Variants in GABRA3 observed in about 807,000 individuals in gnomAD.
The protein encoded by GABRA3 is gamma-aminobutyric acid type A receptor subunit alpha3, also known as gamma-aminobutyric acid receptor subunit alpha-3.
Under a neutral mutation model 30.1 loss-of-function variants are expected in GABRA3, and 10 were observed. The ratio of observed to expected loss-of-function variants is 0.33; its 90% CI spans 0.20 to 0.56. GABRA3 has a LOEUF of 0.56. GABRA3 is among the 20% of genes least tolerant of loss of function. The probability of loss-of-function intolerance (pLI) is 0.89; values close to 1 mark genes in which losing one functional copy is unlikely to be tolerated. For missense variants in GABRA3, 233 were observed against 392.0 expected, an observed-to-expected ratio of 0.59 and a Z score of 3.42; for synonymous variants, 151 against 146.8, an observed-to-expected ratio of 1.03 and a Z score of -0.21.
Position 152,208,088 on chromosome X carries a change from C to T in GABRA3, c.691G>A (p.Val231Met), listed in dbSNP as rs1453531103. The change falls in exon 7 of 10, where the codon GTG becomes ATG. Residue 231 changes from valine to methionine, a missense_variant. By Grantham distance (21) the Val-to-Met change is conservative. Around this residue, in one of 6 missense-constraint regions of GABRA3, gnomAD observed 42 missense variants for 116.2 expected, o/e 0.36. Coordinates refer to ENST00000370314, the MANE Select transcript of GABRA3 (RefSeq NM_000808.4). The stretch of plus-strand genomic sequence containing the variant: ...CGAGAACCATCCTGTGCCACTTCCA[C>T]GGATTTGTTCTTTCCGAGAGTCCAA... ...YSWTLGKNKS[V>M]EVAQDGSRLN... 3.3e-6 allele frequency: 4 copies of T among 1,211,055 alleles called. No homozygotes were observed. The highest frequency in any genetic ancestry group is 1.7e-5 in the African/African-American group (1 of 57,830).
chrX:152,380,551 C>T (rs1254910665), intron 1 of GABRA3, among the ~76,000 whole-genome samples: 1 of 111,919 alleles, frequency 8.9e-6, no homozygotes, highest in African/African-American at 3.2e-5. Context: ...AACAGTGCTG[C>T]AACAAACATG....
At chrX:152,367,245 G>A (rs1373676726) in intron 1 of GABRA3, among the ~76,000 whole-genome samples, 1 of 111,417 alleles carries the variant, frequency 9.0e-6, no homozygotes, top group Admixed American at 9.5e-5. Context: ...AAAATGTCCT[G>A]TGAGTTTACA....
At chrX:152,277,462 T>C (rs1341681026) in intron 4 of GABRA3, among the ~76,000 whole-genome samples, 1 of 111,239 alleles carries the variant, frequency 9.0e-6, no homozygotes, top group Non-Finnish European at 1.9e-5. Flanking sequence ...TATTGTATAC[T>C]TGCACCATTT....
chrX:152,432,756 T>C (rs189506705), intron 1 of GABRA3, among the ~76,000 whole-genome samples: 21 of 111,655 alleles, frequency 1.9e-4, no homozygotes, highest in African/African-American at 6.8e-4. Flanking sequence ...ATGAAAGCTA[T>C]AAAAACTACC....
At chrX:152,345,481 T>C (rs182587767) in intron 3 of GABRA3, 100 bp downstream of exon 3, 2 of 910,871 alleles carry the variant, frequency 2.2e-6, no homozygotes, top group Admixed American at 3.3e-5. Flanking sequence ...ACTAATCTCA[T>C]TGGCCAATAG....
intron 3 of GABRA3, among the ~76,000 whole-genome samples, chrX:152,332,662 G>A (rs1013526763): frequency 5.4e-5 from 6 of 111,871 alleles, no homozygotes; most frequent in East Asian, 5.6e-4. Flanking sequence ...TGGAACAACC[G>A]GCAGAGAACG....
intron 5 of GABRA3, among the ~76,000 whole-genome samples, chrX:152,239,244 G>C (rs1175215729): frequency 4.8e-5 from 5 of 103,095 alleles, no homozygotes; most frequent in African/African-American, 1.8e-4. Context: ...CCTTCATTTC[G>C]TTATGTACCC....
intron 2 of GABRA3, among the ~76,000 whole-genome samples, chrX:152,351,220 G>T (rs1940474511): frequency 8.9e-6 from 1 of 112,073 alleles, no homozygotes; most frequent in African/African-American, 3.2e-5. Context: ...AAGCTTCAAA[G>T]TCAGGCATTT....
At chrX:152,176,256 T>C (rs1347969767) in intron 9 of GABRA3, among the ~76,000 whole-genome samples, 1 of 110,760 alleles carries the variant, frequency 9.0e-6, no homozygotes, top group Non-Finnish European at 1.9e-5. Context: ...TTGATCTAAA[T>C]GTAGTGGGAA....
At chrX:152,349,100 G>A (rs994406186) in intron 2 of GABRA3, among the ~76,000 whole-genome samples, 1 of 112,021 alleles carries the variant, frequency 8.9e-6, no homozygotes, top group African/African-American at 3.2e-5. Flanking sequence ...CCCTGGCACT[G>A]CTTTATCAAC....
chrX:152,310,419 C>A (rs1232322928), intron 3 of GABRA3, among the ~76,000 whole-genome samples: 1 of 111,931 alleles, frequency 8.9e-6, no homozygotes, highest in Non-Finnish European at 1.9e-5. Context: ...AAACTGAAAT[C>A]ATACCAATGA....
chrX:152,219,712 T>C (rs967306860), intron 6 of GABRA3, among the ~76,000 whole-genome samples: 70 of 111,239 alleles, frequency 6.3e-4, no homozygotes, highest in African/African-American at 2.2e-3. Context: ...TGGCCCTCTA[T>C]GCTGCTGATG....
At chrX:152,236,653 C>T (rs1278333858) in intron 5 of GABRA3, among the ~76,000 whole-genome samples, 1 of 107,931 alleles carries the variant, frequency 9.3e-6, no homozygotes, top group African/African-American at 3.4e-5. Flanking sequence ...TTGTCCAGCA[C>T]CTGTTGTTTC....
chrX:152,416,856 C>T (rs1483414324), intron 1 of GABRA3, among the ~76,000 whole-genome samples: 4 of 106,157 alleles, frequency 3.8e-5, no homozygotes, highest in Admixed American at 1.0e-4. Context: ...CTTCCTTACA[C>T]CTTATACAAA....
At chrX:152,376,595 T>C (rs765410897) in intron 1 of GABRA3, among the ~76,000 whole-genome samples, 31 of 111,424 alleles carry the variant, frequency 2.8e-4, no homozygotes, top group Non-Finnish European at 5.7e-4. Flanking sequence ...ATAAACATAA[T>C]AAAGTTTCTT....
intron 3 of GABRA3, among the ~76,000 whole-genome samples, chrX:152,332,855 A>C (rs1225120715): frequency 5.3e-5 from 6 of 112,275 alleles, no homozygotes; most frequent in African/African-American, 1.9e-4. Context: ...TCTCATTTTA[A>C]AATTTTATGG....
At chrX:152,339,909 T>C (rs1940290132) in intron 3 of GABRA3, among the ~76,000 whole-genome samples, 1 of 112,126 alleles carries the variant, frequency 8.9e-6, no homozygotes, top group East Asian at 2.8e-4. Flanking sequence ...TTTAACCCAC[T>C]TGTGGTTTTA....
At chrX:152,227,010 G>A (rs1325394744) in intron 5 of GABRA3, among the ~76,000 whole-genome samples, 1 of 110,805 alleles carries the variant, frequency 9.0e-6, no homozygotes, top group East Asian at 2.9e-4. Flanking sequence ...AATACCATTT[G>A]ACCCAGCCAT....
chrX:152,179,367 CTTG>C (rs1937114669), intron 9 of GABRA3, among the ~76,000 whole-genome samples: 2 of 110,992 alleles, frequency 1.8e-5, no homozygotes, highest in African/African-American at 6.6e-5. Flanking sequence ...ACTACAGTCA[CTTG>C]TTGTACGATA....
Sources: gnomAD v4.1 joint callset for allele counts (sites outside exome capture counted in the v4.1 genomes callset) on GRCh38, gnomAD v4.1.1 for gene constraint, gnomAD v4.1.1 regional missense constraint, MANE v1.5 for transcripts, NCBI Gene and HGNC (gene_info 2026-07-23, HGNC 2026-07-21) for gene names.